Variants in NKAIN2 observed in about 807,000 individuals in gnomAD.
NKAIN2 encodes sodium/potassium transporting ATPase interacting 2.
Under a neutral mutation model 32.6 loss-of-function variants are expected in NKAIN2, and 14 were observed. The ratio of observed to expected loss-of-function variants is 0.43; its 90% CI spans 0.28 to 0.67. The LOEUF (loss-of-function observed/expected upper bound fraction) is 0.67. Among genes scored for constraint, NKAIN2 ranks in the 30% least tolerant of loss-of-function variants. The pLI is 0.17. For synonymous variants in NKAIN2, 80 were observed against 87.2 expected (o/e 0.92, Z 0.46); for missense variants, 198 against 258.3 (o/e 0.77, Z 1.60).
chr6:124,753,500 G>A (rs1026019130), intron 4 of NKAIN2, among the ~76,000 whole-genome samples: 1 of 152,034 alleles, frequency 6.6e-6, no homozygotes, highest in Non-Finnish European at 1.5e-5. Context: ...CAGTTCACCT[G>A]GAGAAAAATG....
chr6:124,641,604 T>A (rs1783996323), intron 3 of NKAIN2, among the ~76,000 whole-genome samples: 1 of 129,898 alleles, frequency 7.7e-6, no homozygotes, highest in South Asian at 2.7e-4. Flanking sequence ...CAGGCTGGAG[T>A]GCAGTGGCAA....
At chr6:123,824,591 G>C (rs1774066524) in intron 1 of NKAIN2, among the ~76,000 whole-genome samples, 2 of 151,882 alleles carry the variant, frequency 1.3e-5, no homozygotes, top group Non-Finnish European at 2.9e-5. Context: ...CTATCCCATA[G>C]AGCATTAGGA....
chr6:124,687,046 G>T (rs1773923962), intron 4 of NKAIN2, among the ~76,000 whole-genome samples: 1 of 151,780 alleles, frequency 6.6e-6, no homozygotes, highest in Non-Finnish European at 1.5e-5. Flanking sequence ...GTTTGAGGCT[G>T]GAATTGGCTC....
chr6:124,244,520 C>T lies in NKAIN2; in HGVS notation c.55-38485C>T, dbSNP rs966741602. 1.3e-4 allele frequency among the ~76,000 whole-genome samples: 19 copies of T among 151,942 alleles called. No individual in the cohort carries two copies. In the South Asian group the frequency reaches 2.1e-3, roughly 17 times the overall value. ...GGCTTGTCAAACAGCTTAAGTCAGCCGACCAATCTACCACTATTGCTGCTC... is the reference window on the plus strand; with the variant it reads ...GGCTTGTCAAACAGCTTAAGTCAGCTGACCAATCTACCACTATTGCTGCTC... On this transcript the variant is annotated intron_variant, in intron 1 of 6. Transcript: ENST00000368417.
At position 124,210,351 on chromosome 6, in the gene NKAIN2, A is replaced by G. The variant is rs190319916; in HGVS notation, c.55-72654A>G. On this transcript the variant is annotated intron_variant, in intron 1 of 6. Coordinates refer to ENST00000368417, the MANE Select transcript of NKAIN2 (RefSeq NM_001040214.3). ...TTCGATTACTATAACTATGTAGTATAGTTAAAAGTCAGGTAATGTGATCCT... is the reference window on the plus strand; with the variant it reads ...TTCGATTACTATAACTATGTAGTATGGTTAAAAGTCAGGTAATGTGATCCT... Among the ~76,000 whole-genome samples the G allele has an allele frequency of 9.2e-5, 14 of 152,014 alleles. No individual in the cohort carries two copies. In the East Asian group the frequency reaches 2.7e-3, roughly 29 times the overall value.
At chr6:124,767,523 A>G (rs1778564516) in intron 4 of NKAIN2, among the ~76,000 whole-genome samples, 1 of 151,970 alleles carries the variant, frequency 6.6e-6, no homozygotes, top group Non-Finnish European at 1.5e-5. Flanking sequence ...CAGGTCTTAA[A>G]CTCCAAATTT....
intron 3 of NKAIN2, among the ~76,000 whole-genome samples, chr6:124,461,252 G>C (rs1041208815): frequency 6.6e-6 from 1 of 151,702 alleles, no homozygotes; most frequent in Non-Finnish European, 1.5e-5. Flanking sequence ...CAAAATTACA[G>C]GGCACATTAC....
At chr6:124,204,663 A>G (rs893899072) in intron 1 of NKAIN2, among the ~76,000 whole-genome samples, 6 of 151,808 alleles carry the variant, frequency 4.0e-5, no homozygotes, top group African/African-American at 1.2e-4. Context: ...ATATTTTAAT[A>G]TAAGACCAGG....
At chr6:124,523,163 G>A (rs1331988438) in intron 3 of NKAIN2, among the ~76,000 whole-genome samples, 1 of 146,770 alleles carries the variant, frequency 6.8e-6, no homozygotes, top group Non-Finnish European at 1.5e-5. Flanking sequence ...AAAGAAAAAA[G>A]ATCTTTAACT....
intron 1 of NKAIN2, among the ~76,000 whole-genome samples, chr6:124,244,052 T>C (rs779437230): frequency 6.7e-6 from 1 of 150,166 alleles, no homozygotes; most frequent in Non-Finnish European, 1.5e-5. Flanking sequence ...ATGATTTCTT[T>C]CTGTAAAAGA....
intron 3 of NKAIN2, among the ~76,000 whole-genome samples, chr6:124,458,647 T>G (rs1776412618): frequency 6.6e-6 from 1 of 151,838 alleles, no homozygotes; most frequent in African/African-American, 2.4e-5. Flanking sequence ...AATTGAAAAT[T>G]CTATGTTGTC....
intron 1 of NKAIN2, among the ~76,000 whole-genome samples, chr6:124,279,012 AAACACAC>A (rs1341590258): frequency 1.3e-5 from 2 of 152,210 alleles, no homozygotes; most frequent in Non-Finnish European, 2.9e-5. Context: ...CACAAGGTGA[AAACACAC>A]AACTACATTG....
At chr6:124,215,138 TTTAA>T (rs1791400020) in intron 1 of NKAIN2, among the ~76,000 whole-genome samples, 5 of 152,060 alleles carry the variant, frequency 3.3e-5, no homozygotes, top group African/African-American at 1.2e-4. Flanking sequence ...CAATCAACAC[TTTAA>T]TTGTGAAGAA....
chr6:124,823,125 G>A (rs1035946255), intron 6 of NKAIN2, 95 bp from the exon 7 acceptor site: 9 of 866,464 alleles, frequency 1.0e-5, no homozygotes, highest in Non-Finnish European at 1.8e-5. Context: ...TTGTTTGTTT[G>A]TTTGCTCTTG....
chr6:123,909,456 C>T (rs538676521), intron 1 of NKAIN2, among the ~76,000 whole-genome samples: 1 of 152,294 alleles, frequency 6.6e-6, no homozygotes, highest in East Asian at 1.9e-4. Context: ...TCAGTCCTGC[C>T]ACCCTCTCTG....
At chr6:124,322,909 T>A (rs1583047259) in intron 2 of NKAIN2, among the ~76,000 whole-genome samples, 1 of 152,218 alleles carries the variant, frequency 6.6e-6, no homozygotes, top group African/African-American at 2.4e-5. Context: ...GAGAGCCAGT[T>A]TCTCCACATC....
Position 124,759,643 on chromosome 6 carries a change from ACACACACACACAC to A in NKAIN2, c.475-31694_475-31682del, listed in dbSNP as rs1161533292. ...CACACACACACACACACACACACACACACACACACACACCCCCTATCTCCCTTTCCTGCCTTAT... is the reference window on the plus strand; with the variant it reads ...CACACACACACACACACACACACACACCCCTATCTCCCTTTCCTGCCTTAT... On this transcript the variant is annotated intron_variant, in intron 4 of 6. Coordinates refer to ENST00000368417, the MANE Select transcript of NKAIN2 (RefSeq NM_001040214.3). 1.1e-3 allele frequency among the ~76,000 whole-genome samples: 98 copies of A among 90,702 alleles called. 5 individuals are homozygous for A. Among genetic ancestry groups the A allele is most frequent in the Non-Finnish European group, 1.1e-3 (45 of 39,974 alleles). 59.5% of individuals were successfully genotyped at this position (90,702 alleles called of 152,430 possible). A position where few individuals can be genotyped will look rare whatever the true frequency, so the allele number is the denominator to read the frequency against.
At chr6:124,137,677 G>A (rs996067089) in intron 1 of NKAIN2, among the ~76,000 whole-genome samples, 14 of 151,970 alleles carry the variant, frequency 9.2e-5, no homozygotes, top group African/African-American at 1.7e-4. Context: ...ATAGACTAAC[G>A]GAATATAATA....
At chr6:124,031,170 T>C (rs997833566) in intron 1 of NKAIN2, among the ~76,000 whole-genome samples, 24 of 152,198 alleles carry the variant, frequency 1.6e-4, no homozygotes, top group Admixed American at 4.6e-4. Flanking sequence ...GATGTGTTTA[T>C]ACTTCAGTGT....
Sources: allele counts gnomAD v4.1 joint callset (sites outside exome capture counted in the v4.1 genomes callset), GRCh38; gene constraint gnomAD v4.1.1; transcripts MANE v1.5; gene names NCBI Gene and HGNC (gene_info 2026-07-23, HGNC 2026-07-21).